SNED1: variants seen among roughly 807,000 people sequenced by gnomAD.
SNED1 encodes sushi, nidogen and EGF like domains 1.
Under a neutral mutation model 166.7 loss-of-function variants are expected in SNED1, and 81 were observed. The ratio of observed to expected loss-of-function variants is 0.49; its 90% confidence interval spans 0.41 to 0.58. The LOEUF is 0.58. SNED1 is among the 20% of genes least tolerant of loss of function. The pLI, the probability that SNED1 is intolerant of heterozygous loss-of-function variation, is 0.00. For missense variants in SNED1, 1,604 were observed against 2,000.2 expected, an observed-to-expected ratio of 0.80 and a Z score of 3.78; for synonymous variants, 762 against 822.0, an observed-to-expected ratio of 0.93 and a Z score of 1.25.
intron 1 of SNED1, among the ~76,000 whole-genome samples, chr2:241,011,861 G>A (rs984436878): frequency 3.3e-5 from 5 of 152,208 alleles, no homozygotes; most frequent in African/African-American, 4.8e-5. Context: ...CCTGCACTGC[G>A]GTGCTGGCGC....
chr2:240,998,000 T>C (rs1574813569), upstream of SNED1, among the ~76,000 whole-genome samples: 1 of 152,240 alleles, frequency 6.6e-6, no homozygotes, highest in Admixed American at 6.5e-5. Context: ...ATGCACGCAC[T>C]TGCCCCCAGG....
intron 16 of SNED1, among the ~76,000 whole-genome samples, chr2:241,058,001 C>T (rs943055612): frequency 7.9e-5 from 12 of 152,090 alleles, no homozygotes; most frequent in African/African-American, 2.9e-4. Context: ...TATGAATGGA[C>T]TAACTCTCCA....
At chr2:241,011,484 C>T (rs562978050) in intron 1 of SNED1, among the ~76,000 whole-genome samples, 62 of 152,298 alleles carry the variant, frequency 4.1e-4, no homozygotes, top group African/African-American at 1.4e-3. Flanking sequence ...GAAGTCAGGA[C>T]GAGGGACTAA....
intron 31 of SNED1, chr2:241,088,693 A>C: frequency 7.1e-6 from 3 of 424,256 alleles, no homozygotes; most frequent in Non-Finnish European, 4.2e-6. Flanking sequence ...TGGCCAAGAA[A>C]CCCCTAGATC....
At chr2:241,047,271 C>A (rs768056739) in intron 8 of SNED1, among the ~76,000 whole-genome samples, 1 of 151,650 alleles carries the variant, frequency 6.6e-6, no homozygotes, top group Non-Finnish European at 1.5e-5. Context: ...TAGGAGGGAC[C>A]TTTTATAACG....
In SNED1 at chr2:241,081,216, A is replaced by C. The variant is rs148962501; in HGVS notation, c.3917-461A>C. ...TCTCTCTAGTGAGAGTTCACAGGAA[A>C]CACAGGGGTGGGATCAAGTGAGCAG... On this transcript the variant is annotated intron_variant, in intron 27 of 31. Coordinates refer to ENST00000310397, the MANE Select transcript of SNED1 (RefSeq NM_001080437.3). Among the ~76,000 whole-genome samples the C allele has an allele frequency of 9.7e-3, 1,473 of 152,254 alleles. 20 individuals carry two copies. Among genetic ancestry groups the C allele is most frequent in the African/African-American group, 0.033 (1,361 of 41,554 alleles).
intron 1 of SNED1, among the ~76,000 whole-genome samples, chr2:241,016,669 G>A (rs1030164396): frequency 6.6e-6 from 1 of 152,088 alleles, no homozygotes; most frequent in Non-Finnish European, 1.5e-5. Flanking sequence ...TTTCTATCTA[G>A]AAGAGTCTAT....
rs1222227863 is a variant in SNED1 at position 240,998,841 on chromosome 2, C to A, written c.4C>A (p.Arg2=). ...GTCCCGCCCGCACACCTCCGCGATG[C>A]GGCACGGCGTCGCCTGGGCGCTGCT... M[R]HGVAWALLVA... The change falls in exon 1 of 32, where the codon CGG becomes AGG. Residue 2 remains arginine, a synonymous_variant. Transcript: ENST00000310397. 5 of 1,200,956 alleles carry A rather than the reference C, an allele frequency of 4.2e-6. No homozygotes were observed. In the Admixed American group the frequency reaches 2.2e-4, roughly 52 times the overall value. The allele number at this position is 1,200,956 out of a possible 1,614,324, so 74.4% of individuals were successfully genotyped here.
rs886610163 is a variant in SNED1 at position 241,068,449 on chromosome 2, C to T, written c.3195-462C>T. Among the ~76,000 whole-genome samples, 17 of 151,984 alleles carry T rather than the reference C, an allele frequency of 1.1e-4. No individual in the cohort carries two copies. Among genetic ancestry groups the T allele is most frequent in the African/African-American group, 3.9e-4 (16 of 41,372 alleles). On this transcript the variant is annotated intron_variant, in intron 22 of 31. Coordinates refer to ENST00000310397, the MANE Select transcript of SNED1 (RefSeq NM_001080437.3). This position sits in a 1 kb window ranked among gnomAD's most constrained non-coding sequence, Gnocchi z 5.3. ...GAGAAAGCTTCCGAATCGTGCTCAGCGCAGGCAGGGGTGCAGGAAAAGATC... is the reference window on the plus strand; with the variant it reads ...GAGAAAGCTTCCGAATCGTGCTCAGTGCAGGCAGGGGTGCAGGAAAAGATC...
In SNED1 at chr2:240,999,849, T is replaced by C. The variant is rs1179891263; in HGVS notation, c.213+799T>C. On this transcript the variant is annotated intron_variant, in intron 1 of 31. Transcript: ENST00000310397. This position sits in a 1 kb window ranked among gnomAD's most constrained non-coding sequence, Gnocchi z 5.8. ...AACTGCATGGAGCACTCGCCCTGAG[T>C]AGGCCACGGTGCACTGGTACCTGGT... Among the ~76,000 whole-genome samples, 1 of 152,028 alleles carries C rather than the reference T, an allele frequency of 6.6e-6. No individual in the cohort carries two copies.
intron 1 of SNED1, among the ~76,000 whole-genome samples, chr2:241,015,069 A>G (rs2060538466): frequency 6.6e-6 from 1 of 152,212 alleles, no homozygotes; most frequent in Non-Finnish European, 1.5e-5. Context: ...GCTTTTCACA[A>G]GACAGTCTTG....
chr2:240,998,627 C>G lies in SNED1; in HGVS notation c.-211C>G, dbSNP rs2059984263. Among the ~76,000 whole-genome samples the G allele has an allele frequency of 6.6e-6, 1 of 151,760 alleles. No individual in the cohort carries two copies. The highest frequency in any genetic ancestry group is 2.4e-5 in the African/African-American group (1 of 41,372). ...CCCCAGGGGCGGGGCTGGCCCCGAA[C>G]GCGGTCCCGCCCGGCGCTTTCCTCT... On this transcript the variant is annotated 5_prime_UTR_variant, in exon 1 of 32. Coordinates refer to ENST00000310397, the MANE Select transcript of SNED1 (RefSeq NM_001080437.3).
At position 241,069,976 on chromosome 2, in the gene SNED1, G is replaced by A. The variant is rs565348526; in HGVS notation, c.3364G>A (p.Val1122Met). ...AARVTATSAH[V>M]VWDAPTPGSL... ...CCGAGTCACTGCCACCTCTGCCCAC[G>A]TGGTCTGGGATGCCCCGACTCCAGG... The change falls in exon 24 of 32, where the codon GTG becomes ATG. Residue 1122 changes from valine to methionine, a missense_variant. Physicochemically the swap from Val to Met is conservative, Grantham distance 21 (BLOSUM62 1). Coordinates refer to ENST00000310397, the MANE Select transcript of SNED1 (RefSeq NM_001080437.3). The surrounding 1 kb of genome is among the most constrained non-coding windows in gnomAD (Gnocchi z 4.9). 32 of 1,612,962 alleles carry A rather than the reference G, an allele frequency of 2.0e-5. No homozygotes were observed. The highest frequency in any genetic ancestry group is 6.7e-5 in the East Asian group (3 of 44,888).
chr2:241,011,913 G>A (rs1178414594), intron 1 of SNED1, among the ~76,000 whole-genome samples: 5 of 152,208 alleles, frequency 3.3e-5, no homozygotes, highest in Non-Finnish European at 5.9e-5. Flanking sequence ...GGACAGGGCC[G>A]GCTTGTTCTG....
chr2:241,049,229 A>G, intron 11 of SNED1, 94 bp downstream of exon 11: 1 of 921,042 alleles, frequency 1.1e-6, no homozygotes, highest in Non-Finnish European at 1.7e-6. Flanking sequence ...CAGAGTCCCT[A>G]CTTCCCTTCT....
At chr2:241,037,059 A>G (rs1036339933) in intron 5 of SNED1, 144 bp downstream of exon 5, 2 of 1,141,326 alleles carry the variant, frequency 1.8e-6, no homozygotes, top group Non-Finnish European at 2.5e-6. Flanking sequence ...TGCTTAGGGG[A>G]CCACTGGGGA....
intron 8 of SNED1, among the ~76,000 whole-genome samples, chr2:241,046,314 A>G (rs576456340): frequency 6.6e-6 from 1 of 152,354 alleles, no homozygotes; most frequent in South Asian, 2.1e-4. Flanking sequence ...TATTAACTCT[A>G]AAGAGATGAA....
chr2:241,049,244 C>A, intron 11 of SNED1, 109 bp downstream of exon 11: 1 of 780,850 alleles, frequency 1.3e-6, no homozygotes, highest in Non-Finnish European at 2.1e-6. Context: ...CCTTCTGACT[C>A]TCGGGAGAGC....
chr2:241,011,547 G>T (rs186466218), intron 1 of SNED1, among the ~76,000 whole-genome samples: 401 of 152,348 alleles, frequency 2.6e-3, no homozygotes, highest in Non-Finnish European at 4.5e-3. Flanking sequence ...CATGAACAGG[G>T]GCGTCGGCTG....
Sources: allele counts gnomAD v4.1 joint callset (sites outside exome capture counted in the v4.1 genomes callset), GRCh38; gene constraint gnomAD v4.1.1; non-coding constraint Gnocchi (gnomAD v3.1); transcripts MANE v1.5; gene names NCBI Gene and HGNC (gene_info 2026-07-23, HGNC 2026-07-21).